Variants in PTPRB observed in about 807,000 individuals in gnomAD.
PTPRB encodes the protein receptor-type tyrosine-protein phosphatase beta.
A neutral mutation model predicts 238.1 loss-of-function variants in PTPRB; 97 were observed. The ratio of observed to expected loss-of-function variants is 0.41; its 90% CI spans 0.35 to 0.48. The LOEUF (loss-of-function observed/expected upper bound fraction) is 0.48. Ranked by LOEUF, PTPRB falls within the 20% of genes least tolerant of loss-of-function variation. The pLI, the probability that PTPRB is intolerant of heterozygous loss-of-function variation, is 0.30. For synonymous variants in PTPRB, 970 were observed against 995.4 expected (o/e 0.97, Z 0.48); for missense variants, 2,292 against 2,681.9 (o/e 0.85, Z 3.21).
intron 33 of PTPRB, among the ~76,000 whole-genome samples, chr12:70,523,190 C>G (rs1871870893): frequency 6.6e-6 from 1 of 151,432 alleles, no homozygotes; most frequent in Admixed American, 6.6e-5. Context: ...CAATCTTGCT[C>G]TATCACCCAG....
Position 70,576,663 on chromosome 12 carries a change from GGGGGGC to G in PTPRB, c.2579-24_2579-19del, listed in dbSNP as rs1419654055. On this transcript the variant is annotated intron_variant, in intron 10 of 33. Coordinates refer to ENST00000334414, the MANE Select transcript of PTPRB (RefSeq NM_001109754.4). ...GGAAGGGACTGTGATTTTGAAAGGT[GGGGGGC>G]GGGGGGGGGGGGGAAGGGGGATTCA... is the stretch of plus-strand genomic sequence containing the variant. 2.6e-5 allele frequency: 7 copies of G among 273,334 alleles called. No individual in the cohort carries two copies. The highest frequency in any genetic ancestry group is 2.7e-4 in the East Asian group (2 of 7,512). 16.9% of individuals were successfully genotyped at this position (273,334 alleles called of 1,614,324 possible). A position where few individuals can be genotyped will look rare whatever the true frequency, so the allele number is the denominator to read the frequency against.
chr12:70,576,607 CG>C lies in PTPRB; in HGVS notation c.2616del (p.Gly873ValfsTer22). 1 of 1,523,086 alleles carries C rather than the reference CG, an allele frequency of 6.6e-7. No individual in the cohort carries two copies. The allele number at this position is 1,523,086 out of a possible 1,614,324, so 94.3% of individuals were successfully genotyped here. Reference sequence around the variant, plus strand: ...GAAACGCTGAGGTAGTCATTACGACCGGAATTGTTCACCGTTACTCCACTCA... The same window carrying C: ...GAAACGCTGAGGTAGTCATTACGACCGAATTGTTCACCGTTACTCCACTCA... ...SSVSGVTVNN[S>X]GRNDYLSVSW... On this transcript the variant is annotated frameshift_variant, in exon 11 of 34. Transcript: ENST00000334414. LOFTEE classifies it high-confidence loss of function.
chr12:70,544,774 G>A, intron 21 of PTPRB, 111 bp from the exon 22 acceptor site: 1 of 606,042 alleles, frequency 1.7e-6, no homozygotes, highest in South Asian at 2.2e-5. Flanking sequence ...TAGCAGGGTA[G>A]AATATGAGTT....
intron 22 of PTPRB, among the ~76,000 whole-genome samples, chr12:70,543,715 G>C (rs1244250271): frequency 6.6e-6 from 1 of 152,210 alleles, no homozygotes; most frequent in African/African-American, 2.4e-5. Flanking sequence ...TGTTGGGAGG[G>C]AAGGTGATGA....
intron 4 of PTPRB, among the ~76,000 whole-genome samples, chr12:70,599,134 A>G (rs1330802348): frequency 6.6e-6 from 1 of 152,226 alleles, no homozygotes; most frequent in Non-Finnish European, 1.5e-5. Context: ...AAAAACTCTG[A>G]TGGATTTAAA....
At chr12:70,553,097 T>C (rs1294870843) in intron 20 of PTPRB, 77 bp from the exon 21 acceptor site, 30 of 1,483,422 alleles carry the variant, frequency 2.0e-5, no homozygotes, top group Non-Finnish European at 2.5e-5. Context: ...ATTAGGTTTC[T>C]AAGGCTGCCT....
intron 3 of PTPRB, among the ~76,000 whole-genome samples, chr12:70,613,080 G>C (rs769795257): frequency 2.6e-5 from 4 of 152,098 alleles, no homozygotes; most frequent in Non-Finnish European, 4.4e-5. Context: ...GGTCATCAAG[G>C]GGTCTGGGAG....
chr12:70,531,373 A>C (rs1257122151), intron 32 of PTPRB, among the ~76,000 whole-genome samples: 1 of 152,132 alleles, frequency 6.6e-6, no homozygotes, highest in African/African-American at 2.4e-5. Context: ...CACGAGGGTA[A>C]GAGAATTTGA....
intron 4 of PTPRB, among the ~76,000 whole-genome samples, chr12:70,598,912 A>G (rs1397575284): frequency 1.2e-4 from 19 of 152,242 alleles, no homozygotes; most frequent in Admixed American, 6.5e-4. Flanking sequence ...TTTCTGAGCC[A>G]GAAAACAAAA....
chr12:70,586,885 A>T, intron 9 of PTPRB, 122 bp downstream of exon 9: 1 of 937,718 alleles, frequency 1.1e-6, no homozygotes, highest in Non-Finnish European at 1.6e-6. Context: ...ACACAATAGA[A>T]AGGATCCATA....
chr12:70,624,552 A>G (rs1378275371), intron 2 of PTPRB, among the ~76,000 whole-genome samples: 2 of 152,170 alleles, frequency 1.3e-5, no homozygotes. Context: ...AACAATCTTA[A>G]TTCTGCAGTC....
rs575042805 is a variant in PTPRB at position 70,564,212 on chromosome 12, T to G, written c.3905-1105A>C. Among the ~76,000 whole-genome samples, 78 of 152,292 alleles carry G rather than the reference T, an allele frequency of 5.1e-4. 1 individual carries two copies. Among genetic ancestry groups the G allele is most frequent in the African/African-American group, 1.8e-3 (75 of 41,572 alleles). ...AATGAAGTCTTTGGGGACTGTACTA[T>G]CTAAAATTGTAAGTCCCGACCAGGT... On this transcript the variant is annotated intron_variant, in intron 15 of 33. Transcript: ENST00000334414.
Position 70,536,158 on chromosome 12 carries a change from C to T in PTPRB, c.5948G>A (p.Gly1983Asp). ...AATGTATTCTCTTCTGAAGTTGTTGCCCTGCAATGAATTTACAATATGGAG... is the reference window on the plus strand; with the variant it reads ...AATGTATTCTCTTCTGAAGTTGTTGTCCTGCAATGAATTTACAATATGGAG... ...SDYINASYIPGNNFRREYIVT... is the reference protein window; with the variant it reads ...SDYINASYIPDNNFRREYIVT... Residue 1983 changes from glycine (G) to aspartate (D), a missense_variant and splice_region_variant, in exon 29 of 34, where the codon GGC (glycine) becomes GAC (aspartate). By Grantham distance (94) the Gly-to-Asp change is moderately conservative (BLOSUM62 -1). Coordinates refer to ENST00000334414, the MANE Select transcript of PTPRB (RefSeq NM_001109754.4). 6.2e-7 allele frequency: 1 copy of T among 1,612,374 alleles called. No homozygotes were observed. Among genetic ancestry groups the T allele is most frequent in the Non-Finnish European group, 8.5e-7 (1 of 1,179,100 alleles).
At position 70,560,776 on chromosome 12, in the gene PTPRB, T is replaced by C; in HGVS notation, c.4327A>G (p.Thr1443Ala). 1 of 1,613,954 alleles carries C rather than the reference T, an allele frequency of 6.2e-7. No homozygotes were observed. The highest frequency in any genetic ancestry group is 8.5e-7 in the Non-Finnish European group (1 of 1,179,888). Reference protein sequence around the residue: ...KKENWKDKDLTEWRFQGLVPG... With the variant: ...KKENWKDKDLAEWRFQGLVPG... ...ACAAGGCCTTGAAACCGCCACTCCG[T>C]CAGGTCCTTGTCTTTCCAGTTTTCC... Residue 1443 changes from threonine (T) to alanine (A), a missense_variant, in exon 17 of 34, where the codon ACG (threonine) becomes GCG (alanine). This residue lies in a region of PTPRB where 683 missense variants were observed against 862.0 expected (regional missense o/e 0.79). Coordinates refer to ENST00000334414, the MANE Select transcript of PTPRB (RefSeq NM_001109754.4). The surrounding 1 kb of genome is among the most constrained non-coding windows in gnomAD (Gnocchi z 4.2).
At chr12:70,570,007 T>C (rs961655073) in intron 13 of PTPRB, 69 bp from the exon 14 acceptor site, 20 of 1,425,102 alleles carry the variant, frequency 1.4e-5, no homozygotes, top group South Asian at 1.2e-5. Flanking sequence ...AAACAAAGTT[T>C]TGAATGCTTC....
intron 20 of PTPRB, 24 bp from the exon 21 acceptor site, chr12:70,553,044 AG>A: frequency 6.2e-7 from 1 of 1,601,070 alleles, no homozygotes; most frequent in South Asian, 1.1e-5. Context: ...CCCACAGTTA[AG>A]GACTGCCTTT....
chr12:70,591,984 G>A (rs1023502531), intron 7 of PTPRB: 8 of 403,230 alleles, frequency 2.0e-5, no homozygotes, highest in Non-Finnish European at 3.2e-5. Context: ...GGTTCTCACT[G>A]TAAGAATGAA....
intron 10 of PTPRB, among the ~76,000 whole-genome samples, chr12:70,580,146 G>A (rs1867003): frequency 0.45 from 68,550 of 151,414 alleles, 16,392 homozygotes; most frequent in African/African-American, 0.62. Context: ...TTTCTTCCTC[G>A]GTGCCATGGC....
intron 4 of PTPRB, among the ~76,000 whole-genome samples, chr12:70,601,985 C>T (rs541414381): frequency 1.3e-5 from 2 of 151,404 alleles, no homozygotes; most frequent in African/African-American, 4.9e-5. Flanking sequence ...TTAGTAGAGA[C>T]GGGGTTTCAC....
Sources: allele counts gnomAD v4.1 joint callset (sites outside exome capture counted in the v4.1 genomes callset), GRCh38; gene constraint gnomAD v4.1.1; regional missense constraint gnomAD v4.1.1; non-coding constraint Gnocchi (gnomAD v3.1); transcripts MANE v1.5; gene names NCBI Gene and HGNC (gene_info 2026-07-23, HGNC 2026-07-21).